The following DIXDC1 variants were observed in gnomAD, a reference collection of about 807,000 sequenced individuals.
The protein encoded by DIXDC1 is dixin.
DIXDC1 carries 64 observed loss-of-function variants against 103.1 expected under a neutral mutation model. The ratio of observed to expected loss-of-function variants is 0.62; its 90% confidence interval spans 0.51 to 0.76. The LOEUF (loss-of-function observed/expected upper bound fraction) is 0.76, where lower values mean the gene tolerates loss of function less well. DIXDC1 is among the 30% of genes least tolerant of loss of function. The probability of loss-of-function intolerance (pLI) is 0.00; values close to 1 mark genes in which losing one functional copy is unlikely to be tolerated. For synonymous variants in DIXDC1, 266 were observed against 298.5 expected (o/e 0.89, Z 1.12); for missense variants, 759 against 834.2 (o/e 0.91, Z 1.11).
chr11:112,006,303 C>T (rs1311505721), intron 17 of DIXDC1, among the ~76,000 whole-genome samples: 3 of 152,078 alleles, frequency 2.0e-5, no homozygotes, highest in African/African-American at 7.3e-5. Context: ...TGGGCGGAGC[C>T]CACCACAGCT....
At chr11:111,971,511 TA>T (rs1182640277) in intron 3 of DIXDC1, among the ~76,000 whole-genome samples, 1 of 152,238 alleles carries the variant, frequency 6.6e-6, no homozygotes, top group African/African-American at 2.4e-5. Flanking sequence ...GGTGGGAATG[TA>T]ACTTTGTCCA....
At chr11:111,992,031 G>T (rs1010914067) in intron 10 of DIXDC1, among the ~76,000 whole-genome samples, 4 of 152,154 alleles carry the variant, frequency 2.6e-5, no homozygotes, top group Non-Finnish European at 4.4e-5. Context: ...AGAGTGCATT[G>T]TCCAAGGCTG....
chr11:111,965,672 A>T (rs1418696531), intron 2 of DIXDC1, among the ~76,000 whole-genome samples: 2 of 152,226 alleles, frequency 1.3e-5, no homozygotes, highest in African/African-American at 4.8e-5. Flanking sequence ...ATCTTTGGGA[A>T]ACATAATATT....
Position 111,989,046 on chromosome 11 carries a change from G to C in DIXDC1, c.1104G>C (p.Gln368His). 1 of 1,607,218 alleles carries C rather than the reference G, an allele frequency of 6.2e-7. No homozygotes were observed. Among genetic ancestry groups the C allele is most frequent in the Non-Finnish European group, 8.5e-7 (1 of 1,177,772 alleles). Reference protein sequence around the residue: ...LKCKQEARNLQGIKDALQQRL... With the variant: ...LKCKQEARNLHGIKDALQQRL... ...GTAAACAAGAAGCCAGAAACTTACA[G>C]GGGATAAAGGTAAAAAAGAAGACAT... is the stretch of plus-strand genomic sequence containing the variant. Residue 368 changes from glutamine to histidine, a missense_variant, in exon 10 of 20, where the codon CAG becomes CAC. Around this residue, in one of 3 missense-constraint regions of DIXDC1, gnomAD observed 657 missense variants for 727.5 expected, o/e 0.90. Coordinates refer to ENST00000440460, the MANE Select transcript of DIXDC1 (RefSeq NM_001037954.4).
At chr11:111,936,725 T>G (rs782666719), upstream of DIXDC1, among the ~76,000 whole-genome samples, 1 of 152,310 alleles carries the variant, frequency 6.6e-6, no homozygotes, top group East Asian at 1.9e-4. Context: ...TAGCTTGACC[T>G]CACTGTCCAG....
intron 1 of DIXDC1, among the ~76,000 whole-genome samples, chr11:111,939,973 A>C (rs1415313185): frequency 6.6e-6 from 1 of 152,236 alleles, no homozygotes; most frequent in Non-Finnish European, 1.5e-5. Context: ...ATCCAAGTAC[A>C]TCTAAAGCTA....
At chr11:111,955,499 G>T (rs147161482) in intron 1 of DIXDC1, among the ~76,000 whole-genome samples, 7 of 151,974 alleles carry the variant, frequency 4.6e-5, no homozygotes, top group Admixed American at 1.3e-4. Context: ...AGGCCATATG[G>T]TTCAGCAGTT....
chr11:111,960,966 G>A (rs60052476), intron 1 of DIXDC1, among the ~76,000 whole-genome samples: 5,179 of 152,244 alleles, frequency 0.034, 319 homozygotes, highest in African/African-American at 0.12. Flanking sequence ...TTAGGATGAC[G>A]TCTGCTTATG....
At chr11:112,014,189 T>G (rs1861516184) in intron 17 of DIXDC1, among the ~76,000 whole-genome samples, 3 of 152,210 alleles carry the variant, frequency 2.0e-5, no homozygotes, top group African/African-American at 7.2e-5. Flanking sequence ...GATTTCTGGC[T>G]TCCAGTTTGT....
intron 5 of DIXDC1, 70 bp downstream of exon 5, chr11:111,975,053 C>T: frequency 1.9e-6 from 3 of 1,552,842 alleles, no homozygotes; most frequent in Non-Finnish European, 1.7e-6. Context: ...AACAATACAA[C>T]AAGCAAAAAG....
At chr11:111,952,232 A>G (rs1283354278) in intron 1 of DIXDC1, among the ~76,000 whole-genome samples, 1 of 152,172 alleles carries the variant, frequency 6.6e-6, no homozygotes, top group African/African-American at 2.4e-5. Context: ...GACTAATACA[A>G]TGTTCTTGAG....
chr11:111,957,680 GT>G (rs1453848000), intron 1 of DIXDC1, among the ~76,000 whole-genome samples: 2 of 152,238 alleles, frequency 1.3e-5, no homozygotes, highest in African/African-American at 4.8e-5. Context: ...AATTGTCAAG[GT>G]CATGAAAGAC....
chr11:111,993,222 G>A lies in DIXDC1; in HGVS notation c.1272+218G>A, dbSNP rs587773153. ...GAAGGAGTACAGGACTAGGGGTCTA[G>A]AAACTTCAGTTCTAGTCTTACCTTT... On this transcript the variant is annotated intron_variant, in intron 12 of 19. Transcript: ENST00000440460. Among the ~76,000 whole-genome samples the A allele has an allele frequency of 2.2e-4, 34 of 152,284 alleles. No individual in the cohort carries two copies. In the South Asian group the frequency reaches 5.6e-3, roughly 25 times the overall value.
At chr11:111,984,834 A>G (rs782520519) in intron 7 of DIXDC1, among the ~76,000 whole-genome samples, 3 of 152,238 alleles carry the variant, frequency 2.0e-5, no homozygotes, top group Non-Finnish European at 4.4e-5. Flanking sequence ...TGTATTCCAA[A>G]TAATTCATTA....
At chr11:111,966,407 T>A (rs1422977260) in intron 2 of DIXDC1, among the ~76,000 whole-genome samples, 8 of 137,366 alleles carry the variant, frequency 5.8e-5, no homozygotes, top group South Asian at 2.3e-4. Flanking sequence ...ATTTTTTTTT[T>A]TTTTTTTTTT....
upstream of DIXDC1, chr11:111,937,135 G>GGT: frequency 2.8e-6 from 2 of 723,096 alleles, no homozygotes; most frequent in South Asian, 1.3e-4. Context: ...CCCGGGCGGG[G>GGT]GGGGGGTGTG....
At chr11:111,990,666 T>C (rs1181792740) in intron 10 of DIXDC1, among the ~76,000 whole-genome samples, 1 of 152,172 alleles carries the variant, frequency 6.6e-6, no homozygotes, top group Non-Finnish European at 1.5e-5. Context: ...TTTGCTAATA[T>C]AAACAATGAT....
intron 1 of DIXDC1, among the ~76,000 whole-genome samples, chr11:111,960,594 TAAA>T (rs57035300): frequency 7.9e-5 from 11 of 139,722 alleles, no homozygotes; most frequent in African/African-American, 1.3e-4. Context: ...AACTCTGTCT[TAAA>T]AAAAAAAAAA....
intron 17 of DIXDC1, among the ~76,000 whole-genome samples, chr11:112,014,318 CAG>C (rs1207268186): frequency 2.0e-5 from 3 of 152,244 alleles, no homozygotes; most frequent in Non-Finnish European, 4.4e-5. Context: ...CTTACCCTGT[CAG>C]AGTCTTTTGT....
Sources: gnomAD v4.1 joint callset for allele counts (sites outside exome capture counted in the v4.1 genomes callset) on GRCh38, gnomAD v4.1.1 for gene constraint, gnomAD v4.1.1 regional missense constraint, MANE v1.5 for transcripts, NCBI Gene and HGNC (gene_info 2026-07-23, HGNC 2026-07-21) for gene names.